The following OSBPL10 variants were observed in gnomAD, a reference collection of about 807,000 sequenced individuals.
OSBPL10 encodes the protein oxysterol-binding protein-related protein 10.
Under a neutral mutation model 81.7 loss-of-function variants are expected in OSBPL10, and 49 were observed. That is an observed-to-expected ratio of 0.60 (90% CI 0.48 to 0.76). The LOEUF (loss-of-function observed/expected upper bound fraction) is 0.76, where lower values mean the gene tolerates loss of function less well. OSBPL10 is among the 30% of genes least tolerant of loss of function. The probability of loss-of-function intolerance (pLI) is 0.00; values close to 1 mark genes in which losing one functional copy is unlikely to be tolerated. For missense variants in OSBPL10, 923 were observed against 987.8 expected (o/e 0.93, Z 0.88); for synonymous variants, 419 against 383.6 (o/e 1.09, Z -1.08).
chr3:32,005,929 ATTTATTTTATTT>A (rs1245342943), intron 2 of OSBPL10, among the ~76,000 whole-genome samples: 1 of 150,592 alleles, frequency 6.6e-6, no homozygotes, highest in Non-Finnish European at 1.5e-5. Context: ...TACTTTATTT[ATTTATTTTATTT>A]TTTATTTTAT....
intron 1 of OSBPL10, chr3:32,064,124 A>C (rs1699764135): frequency 1.1e-5 from 1 of 91,334 alleles, no homozygotes; most frequent in African/African-American, 2.8e-5. Flanking sequence ...CACCACACAC[A>C]GCTAATTTTT....
intron 4 of OSBPL10, 73 bp from the exon 5 acceptor site, chr3:31,748,193 A>G: frequency 7.3e-7 from 1 of 1,365,038 alleles, no homozygotes; most frequent in Non-Finnish European, 1.0e-6. Context: ...CGGCAGATAA[A>G]CCACAGAAGT....
chr3:31,814,553 G>C (rs72861350), intron 4 of OSBPL10, among the ~76,000 whole-genome samples: 1 of 152,138 alleles, frequency 6.6e-6, no homozygotes, highest in African/African-American at 2.4e-5. Flanking sequence ...ACAGGTGCCC[G>C]AAGCTGGAGT....
chr3:31,958,916 C>A (rs930936151), intron 1 of OSBPL10, among the ~76,000 whole-genome samples: 4 of 152,192 alleles, frequency 2.6e-5, no homozygotes, highest in Admixed American at 6.5e-5. Context: ...ACCTTTCTAA[C>A]CCCTGTACTA....
intron 7 of OSBPL10, among the ~76,000 whole-genome samples, chr3:31,695,155 A>G (rs1174395042): frequency 2.6e-5 from 4 of 152,180 alleles, no homozygotes; most frequent in Non-Finnish European, 5.9e-5. Flanking sequence ...CACTAGTTTT[A>G]GCCACAGTCT....
In OSBPL10 at chr3:31,876,390, G is replaced by T. The variant is rs755241795; in HGVS notation, c.537+43C>A. On this transcript the variant is annotated intron_variant, in intron 3 of 11. Coordinates refer to ENST00000396556, the MANE Select transcript of OSBPL10 (RefSeq NM_017784.5). ...AACAAATAATGGGGCTGAAAGCCAG[G>T]CTGGTTATTCGAATGCCTCCTTCCT... 7 of 1,504,020 alleles carry T rather than the reference G, an allele frequency of 4.7e-6. No homozygotes were observed. In the African/African-American group the frequency reaches 5.5e-5, roughly 12 times the overall value. The allele number at this position is 1,504,020 out of a possible 1,614,324, so 93.2% of individuals were successfully genotyped here.
At chr3:31,897,705 T>C (rs1199422365) in intron 1 of OSBPL10, among the ~76,000 whole-genome samples, 2 of 152,014 alleles carry the variant, frequency 1.3e-5, no homozygotes, top group South Asian at 2.1e-4. Flanking sequence ...ATATCAGCAC[T>C]GGATGTATAA....
At chr3:31,726,878 C>G (rs1002006203) in intron 6 of OSBPL10, among the ~76,000 whole-genome samples, 1 of 125,910 alleles carries the variant, frequency 7.9e-6, no homozygotes, top group African/African-American at 4.7e-5. Context: ...GGATCTCACT[C>G]TGTCACCAAG....
At chr3:32,073,133 C>T (rs7373159) in intron 1 of OSBPL10, among the ~76,000 whole-genome samples, 109,082 of 152,078 alleles carry the variant, frequency 0.72, 40,972 homozygotes, top group East Asian at 1. Flanking sequence ...GTCCTCGAGA[C>T]GCTACAGGGT....
chr3:31,946,393 TG>T (rs1330622310), intron 1 of OSBPL10, among the ~76,000 whole-genome samples: 2 of 120,388 alleles, frequency 1.7e-5, no homozygotes, highest in African/African-American at 8.0e-5. Context: ...TTTATTAAGT[TG>T]TTTTTTATCA....
chr3:31,675,945 CA>C (rs773575072), intron 8 of OSBPL10, among the ~76,000 whole-genome samples: 1,080 of 59,162 alleles, frequency 0.018, 32 homozygotes, highest in African/African-American at 0.049. Flanking sequence ...GACTCCATCT[CA>C]AAAAAAAAAA....
chr3:31,867,669 G>A (rs1247648785), intron 3 of OSBPL10, among the ~76,000 whole-genome samples: 2 of 151,948 alleles, frequency 1.3e-5, no homozygotes, highest in African/African-American at 4.8e-5. Flanking sequence ...CTTGAACCTG[G>A]GAGGCGGAGG....
chr3:31,733,696 T>TG (rs1697050501), intron 5 of OSBPL10, among the ~76,000 whole-genome samples: 1 of 149,814 alleles, frequency 6.7e-6, no homozygotes, highest in African/African-American at 2.5e-5. Flanking sequence ...TTTTTTTTTT[T>TG]TTTTTTTTTT....
At chr3:31,742,824 A>T (rs1697395039) in intron 5 of OSBPL10, among the ~76,000 whole-genome samples, 1 of 152,050 alleles carries the variant, frequency 6.6e-6, no homozygotes, top group African/African-American at 2.4e-5. Context: ...GCTCCCAAAG[A>T]GCACAACCTT....
chr3:32,001,858 C>A (rs79409577), intron 2 of OSBPL10, among the ~76,000 whole-genome samples: 4 of 152,176 alleles, frequency 2.6e-5, no homozygotes, highest in Non-Finnish European at 5.9e-5. Flanking sequence ...ACCCAGTAAT[C>A]TCTATTATCC....
At chr3:31,835,866 A>T (rs1319840307) in intron 3 of OSBPL10, among the ~76,000 whole-genome samples, 1 of 152,242 alleles carries the variant, frequency 6.6e-6, no homozygotes, top group East Asian at 1.9e-4. Flanking sequence ...ACAATTTTTA[A>T]AACAGTATAT....
chr3:31,908,464 C>T (rs1035019782), intron 1 of OSBPL10, among the ~76,000 whole-genome samples: 4 of 152,164 alleles, frequency 2.6e-5, no homozygotes, highest in African/African-American at 7.2e-5. Flanking sequence ...CTGGAAGAGC[C>T]ACCCCCTTCT....
chr3:31,712,001 G>A (rs1696270600), intron 6 of OSBPL10, among the ~76,000 whole-genome samples: 1 of 152,052 alleles, frequency 6.6e-6, no homozygotes, highest in South Asian at 2.1e-4. Context: ...CTCTGGGCTG[G>A]GTGTCACCAA....
At position 31,854,077 on chromosome 3, in the gene OSBPL10, T is replaced by A. The variant is rs139314557; in HGVS notation, c.537+22356A>T. ...GCATAACAATGTTCATCTATCTGTA[T>A]AAAATATTGGTCAAGGTCACTCACA... On this transcript the variant is annotated intron_variant, in intron 3 of 11. Coordinates refer to ENST00000396556, the MANE Select transcript of OSBPL10 (RefSeq NM_017784.5). Among the ~76,000 whole-genome samples the A allele has an allele frequency of 4.5e-3, 682 of 152,236 alleles. 9 individuals are homozygous for A. The highest frequency in any genetic ancestry group is 0.038 in the South Asian group (182 of 4,830).
Sources: allele counts gnomAD v4.1 joint callset (sites outside exome capture counted in the v4.1 genomes callset), GRCh38; gene constraint gnomAD v4.1.1; transcripts MANE v1.5; gene names NCBI Gene and HGNC (gene_info 2026-07-23, HGNC 2026-07-21).